The following IGSF11 variants were observed in gnomAD, a reference collection of about 807,000 sequenced individuals.
IGSF11 encodes CXADR like 1.
In IGSF11, 22 loss-of-function variants were observed where a neutral mutation model predicts 41.0. The observed-to-expected ratio is 0.54, with a 90% CI of 0.38 to 0.77. The LOEUF (loss-of-function observed/expected upper bound fraction) is 0.77, where lower values mean the gene tolerates loss of function less well. Ranked by LOEUF, IGSF11 falls within the 30% of genes least tolerant of loss-of-function variation. The probability of loss-of-function intolerance (pLI) is 0.00; values close to 1 mark genes in which losing one functional copy is unlikely to be tolerated. For missense variants in IGSF11, 444 were observed against 530.8 expected (o/e 0.84, Z 1.61); for synonymous variants, 219 against 201.3 (o/e 1.09, Z -0.74).
chr3:118,933,379 A>G (rs1576408666), intron 1 of IGSF11, among the ~76,000 whole-genome samples: 6 of 151,862 alleles, frequency 4.0e-5, no homozygotes, highest in Admixed American at 3.3e-4. Flanking sequence ...GAGGATGACT[A>G]CCACCACCAC....
chr3:118,998,478 G>T (rs1015639310), intron 1 of IGSF11, among the ~76,000 whole-genome samples: 5 of 150,850 alleles, frequency 3.3e-5, no homozygotes, highest in Non-Finnish European at 7.4e-5. Flanking sequence ...CCATTGGGGG[G>T]GAAAAAAAAG....
At chr3:119,095,022 T>C (rs887866534) in intron 1 of IGSF11, among the ~76,000 whole-genome samples, 3 of 152,080 alleles carry the variant, frequency 2.0e-5, no homozygotes, top group Non-Finnish European at 4.4e-5. Context: ...TGTAATATTA[T>C]GAAAAACTTT....
chr3:118,980,190 A>G (rs1934567455), intron 1 of IGSF11, among the ~76,000 whole-genome samples: 1 of 152,214 alleles, frequency 6.6e-6, no homozygotes, highest in African/African-American at 2.4e-5. Context: ...TCCAAAGGAA[A>G]AGAAATCAGT....
intron 1 of IGSF11, among the ~76,000 whole-genome samples, chr3:119,003,713 G>C (rs979964669): frequency 1.9e-4 from 29 of 151,814 alleles, no homozygotes; most frequent in African/African-American, 6.3e-4. Flanking sequence ...TGCATCTATT[G>C]AGATAATCAT....
Position 119,034,708 on chromosome 3 carries a change from TC to T in IGSF11, c.-127del. 1.4e-6 allele frequency: 2 copies of T among 1,379,478 alleles called. No homozygotes were observed. The highest frequency in any genetic ancestry group is 2.9e-5 in the East Asian group (1 of 34,062). 85.5% of individuals were successfully genotyped at this position (1,379,478 alleles called of 1,614,324 possible). On this transcript the variant is annotated 5_prime_UTR_variant, in exon 1 of 7. Transcript: ENST00000393775. ...CCCACACCCAGCGCCGGGCCGCTGT[TC>T]CCCGCGCAGAGCTGGGACTGTCAGA... is the stretch of plus-strand genomic sequence containing the variant.
intron 1 of IGSF11, among the ~76,000 whole-genome samples, chr3:118,934,566 T>C (rs539213853): frequency 3.9e-5 from 6 of 152,194 alleles, no homozygotes; most frequent in Non-Finnish European, 8.8e-5. Context: ...AATTTATATC[T>C]CTACTCAAAA....
chr3:119,015,239 T>C (rs1395466591), intron 1 of IGSF11, among the ~76,000 whole-genome samples: 1 of 152,208 alleles, frequency 6.6e-6, no homozygotes, highest in Non-Finnish European at 1.5e-5. Flanking sequence ...ATAGGAAACA[T>C]TGGCCAATGA....
intron 1 of IGSF11, among the ~76,000 whole-genome samples, chr3:118,936,016 T>C (rs1018217193): frequency 5.3e-5 from 8 of 152,064 alleles, no homozygotes; most frequent in Non-Finnish European, 1.2e-4. Context: ...TAGAACTATG[T>C]GTAATAAAAA....
chr3:118,999,761 T>C (rs1367729428), intron 1 of IGSF11, among the ~76,000 whole-genome samples: 1 of 152,212 alleles, frequency 6.6e-6, no homozygotes, highest in Non-Finnish European at 1.5e-5. Flanking sequence ...ATCCATATCT[T>C]ATTCACGTTA....
intron 1 of IGSF11, among the ~76,000 whole-genome samples, chr3:119,077,733 T>C (rs577161260): frequency 6.6e-6 from 1 of 152,162 alleles, no homozygotes; most frequent in South Asian, 2.1e-4. Context: ...GGAGAGGAAG[T>C]CAAACTATCT....
intron 1 of IGSF11, among the ~76,000 whole-genome samples, chr3:118,966,083 G>C (rs1182433446): frequency 6.6e-6 from 1 of 151,964 alleles, no homozygotes; most frequent in East Asian, 1.9e-4. Flanking sequence ...AACCTAGTGT[G>C]ATGCAAATGT....
intron 1 of IGSF11, among the ~76,000 whole-genome samples, chr3:119,100,902 T>C (rs371973864): frequency 6.6e-6 from 1 of 152,174 alleles, no homozygotes; most frequent in East Asian, 1.9e-4. Flanking sequence ...CATAACAGAA[T>C]TCTACAGAGG....
At chr3:119,050,616 T>C (rs1941581109) in intron 1 of IGSF11, among the ~76,000 whole-genome samples, 1 of 151,926 alleles carries the variant, frequency 6.6e-6, no homozygotes, top group Non-Finnish European at 1.5e-5. Flanking sequence ...GAACTAGAAA[T>C]ACCATTTGAC....
intron 1 of IGSF11, among the ~76,000 whole-genome samples, chr3:119,114,309 C>CT (rs2077226772): frequency 6.6e-6 from 1 of 152,240 alleles, no homozygotes; most frequent in Non-Finnish European, 1.5e-5. Flanking sequence ...CTTTTATACT[C>CT]TGTTACCCTT....
At chr3:119,144,877 C>A (rs1316350257) in intron 1 of IGSF11, among the ~76,000 whole-genome samples, 1 of 152,032 alleles carries the variant, frequency 6.6e-6, no homozygotes. Context: ...ATGATTATTA[C>A]ATTTAAGTTA....
At chr3:118,908,118 T>C (rs191813287) in intron 4 of IGSF11, among the ~76,000 whole-genome samples, 135 of 152,320 alleles carry the variant, frequency 8.9e-4, no homozygotes, top group African/African-American at 3.0e-3. Flanking sequence ...CACACCAAAC[T>C]GGTAATTTTG....
rs182125434 is a variant in IGSF11 at position 118,948,770 on chromosome 3, C to T, written c.53-18495G>A. 7.2e-5 allele frequency among the ~76,000 whole-genome samples: 11 copies of T among 152,010 alleles called. No homozygotes were observed. In the East Asian group the frequency reaches 1.4e-3, roughly 19 times the overall value. On this transcript the variant is annotated intron_variant, in intron 1 of 6. Coordinates refer to ENST00000393775, the MANE Select transcript of IGSF11 (RefSeq NM_001015887.3). Reference sequence around the variant, plus strand: ...CACGAGGTCAGGAGATAGAGACCATCCTGGCTAAAACGGTGAGACCCCGTT... The same window carrying T: ...CACGAGGTCAGGAGATAGAGACCATTCTGGCTAAAACGGTGAGACCCCGTT...
At position 118,908,737 on chromosome 3, in the gene IGSF11, T is replaced by C. The variant is rs368348021; in HGVS notation, c.581-3019A>G. ...CTACGTATCTGGCACAGAAGGCCCTTCTGAATTAGAAAAAAACAAATGTTA... is the reference window on the plus strand; with the variant it reads ...CTACGTATCTGGCACAGAAGGCCCTCCTGAATTAGAAAAAAACAAATGTTA... On this transcript the variant is annotated intron_variant, in intron 4 of 6. Coordinates refer to ENST00000393775, the MANE Select transcript of IGSF11 (RefSeq NM_001015887.3). 1.2e-4 allele frequency among the ~76,000 whole-genome samples: 18 copies of C among 152,322 alleles called. No individual in the cohort carries two copies. The East Asian group carries it at 2.5e-3, about 21-fold the overall frequency.
intron 4 of IGSF11, among the ~76,000 whole-genome samples, chr3:118,906,257 C>A (rs1939579201): frequency 6.6e-6 from 1 of 151,982 alleles, no homozygotes; most frequent in South Asian, 2.1e-4. Flanking sequence ...GGAGGAAATA[C>A]CAGTAAAGGA....
Sources: allele counts gnomAD v4.1 joint callset (sites outside exome capture counted in the v4.1 genomes callset), GRCh38; gene constraint gnomAD v4.1.1; transcripts MANE v1.5; gene names NCBI Gene and HGNC (gene_info 2026-07-23, HGNC 2026-07-21).